The following KCNB2 variants were observed in gnomAD, a reference collection of about 807,000 sequenced individuals.
KCNB2 encodes the protein delayed rectifier potassium channel protein.
A neutral mutation model predicts 61.5 loss-of-function variants in KCNB2; 15 were observed. The ratio of observed to expected loss-of-function variants is 0.24; its 90% CI spans 0.16 to 0.38. KCNB2 has a LOEUF of 0.38. Ranked by LOEUF, KCNB2 falls within the 10% of genes least tolerant of loss-of-function variation. The pLI, the probability that KCNB2 is intolerant of heterozygous loss-of-function variation, is 1.00. For missense variants in KCNB2, 828 were observed against 1,125.2 expected, an observed-to-expected ratio of 0.74 and a Z score of 3.78; for synonymous variants, 457 against 446.0, an observed-to-expected ratio of 1.02 and a Z score of -0.31.
chr8:72,597,001 C>CTTGTTTTT (rs1807205002), intron 2 of KCNB2, among the ~76,000 whole-genome samples: 1 of 64,662 alleles, frequency 1.5e-5, no homozygotes, highest in Non-Finnish European at 2.6e-5. Context: ...TGCTTGCTTG[C>CTTGTTTTT]TTTTTTTTTT....
chr8:72,632,711 G>C (rs756785621), intron 2 of KCNB2, among the ~76,000 whole-genome samples: 7 of 152,112 alleles, frequency 4.6e-5, no homozygotes, highest in African/African-American at 1.4e-4. Context: ...CATTTAATTA[G>C]AAGTCAGAAC....
At chr8:72,917,523 C>G (rs1013249155) in intron 2 of KCNB2, among the ~76,000 whole-genome samples, 1 of 152,074 alleles carries the variant, frequency 6.6e-6, no homozygotes, top group Non-Finnish European at 1.5e-5. Flanking sequence ...AAATCAACTC[C>G]ATTTAAAATA....
At chr8:72,543,947 G>A (rs963483420) in intron 1 of KCNB2, among the ~76,000 whole-genome samples, 2 of 152,188 alleles carry the variant, frequency 1.3e-5, no homozygotes, top group African/African-American at 2.4e-5. Flanking sequence ...TAAGTTTAGC[G>A]GCTGACTAAA....
In KCNB2 at chr8:72,573,759, T is replaced by C. The variant is rs1182469657; in HGVS notation, c.579+5446T>C. ...GTACCATGCAGTGCTCTCCTCTACA[T>C]TGAGGCCCCTCTGTGTACCGTGCAG... On this transcript the variant is annotated intron_variant, in intron 2 of 2. Transcript: ENST00000523207. Among the ~76,000 whole-genome samples the C allele has an allele frequency of 2.7e-5, 4 of 150,722 alleles. No homozygotes were observed. In the East Asian group the frequency reaches 7.9e-4, roughly 30 times the overall value.
At chr8:72,854,107 T>C (rs1444636851) in intron 2 of KCNB2, among the ~76,000 whole-genome samples, 6 of 152,240 alleles carry the variant, frequency 3.9e-5, no homozygotes, top group Non-Finnish European at 8.8e-5. Flanking sequence ...ATTTATGGGA[T>C]ATTATTTACT....
chr8:72,897,425 A>G (rs1806010251), intron 2 of KCNB2, among the ~76,000 whole-genome samples: 1 of 152,132 alleles, frequency 6.6e-6, no homozygotes, highest in South Asian at 2.1e-4. Context: ...TGCCACTAAG[A>G]TATTTGAAAT....
chr8:72,828,111 C>G (rs1809628982), intron 2 of KCNB2, among the ~76,000 whole-genome samples: 1 of 152,126 alleles, frequency 6.6e-6, no homozygotes, highest in East Asian at 1.9e-4. Flanking sequence ...CCACAACTGG[C>G]CTATAAGTTG....
chr8:72,836,322 A>G (rs964948703), intron 2 of KCNB2, among the ~76,000 whole-genome samples: 7 of 152,246 alleles, frequency 4.6e-5, no homozygotes, highest in Non-Finnish European at 8.8e-5. Flanking sequence ...TGAAACAACA[A>G]TTAAAATGAA....
intron 2 of KCNB2, among the ~76,000 whole-genome samples, chr8:72,599,456 G>A (rs190096406): frequency 6.6e-6 from 1 of 152,124 alleles, no homozygotes; most frequent in Non-Finnish European, 1.5e-5. Context: ...ATTCAAGATG[G>A]ATAAAAGACT....
At chr8:72,598,547 A>G (rs1055243258) in intron 2 of KCNB2, among the ~76,000 whole-genome samples, 10 of 152,204 alleles carry the variant, frequency 6.6e-5, no homozygotes, top group African/African-American at 2.2e-4. Context: ...GCACAAGACA[A>G]GAATGCCCTC....
chr8:72,920,257 A>T (rs1482025), intron 2 of KCNB2, among the ~76,000 whole-genome samples: 4 of 150,956 alleles, frequency 2.6e-5, no homozygotes, highest in African/African-American at 7.3e-5. Flanking sequence ...TTAGAAACCA[A>T]TATCAATCAA....
intron 2 of KCNB2, among the ~76,000 whole-genome samples, chr8:72,667,677 A>C (rs1806500243): frequency 6.6e-6 from 1 of 151,972 alleles, no homozygotes; most frequent in Non-Finnish European, 1.5e-5. Flanking sequence ...CCCTCACCCC[A>C]GCCCCATTTA....
At chr8:72,705,884 C>T (rs188239537) in intron 2 of KCNB2, among the ~76,000 whole-genome samples, 1 of 152,292 alleles carries the variant, frequency 6.6e-6, no homozygotes, top group Non-Finnish European at 1.5e-5. Flanking sequence ...TTTGTAAAGA[C>T]CTGAGGTGCT....
intron 2 of KCNB2, among the ~76,000 whole-genome samples, chr8:72,598,565 A>G (rs1807237243): frequency 6.6e-6 from 1 of 151,988 alleles, no homozygotes; most frequent in African/African-American, 2.4e-5. Flanking sequence ...CTCTCTCACC[A>G]CTCCTATTCA....
intron 2 of KCNB2, among the ~76,000 whole-genome samples, chr8:72,774,332 T>C (rs1231821351): frequency 6.6e-6 from 1 of 152,196 alleles, no homozygotes; most frequent in Non-Finnish European, 1.5e-5. Context: ...AAATATTTTG[T>C]CATCTTCTGT....
At chr8:72,755,250 A>ACTG (rs1808269414) in intron 2 of KCNB2, among the ~76,000 whole-genome samples, 1 of 152,184 alleles carries the variant, frequency 6.6e-6, no homozygotes, top group African/African-American at 2.4e-5. Context: ...GACTAAAGGT[A>ACTG]CTGTGGTATC....
chr8:72,815,488 C>T (rs73297715), intron 2 of KCNB2, among the ~76,000 whole-genome samples: 16,090 of 152,126 alleles, frequency 0.11, 1,131 homozygotes, highest in East Asian at 0.4. Flanking sequence ...ACTATGCACT[C>T]AGGAAAGTCA....
At chr8:72,919,247 TG>T (rs1049507137) in intron 2 of KCNB2, among the ~76,000 whole-genome samples, 3 of 152,234 alleles carry the variant, frequency 2.0e-5, no homozygotes, top group Non-Finnish European at 2.9e-5. Context: ...CAGCTCCACC[TG>T]GTTCGTGGCC....
chr8:72,701,128 T>G (rs997150332), intron 2 of KCNB2, among the ~76,000 whole-genome samples: 1 of 152,140 alleles, frequency 6.6e-6, no homozygotes, highest in Admixed American at 6.6e-5. Flanking sequence ...GGTGCTATGC[T>G]CATTACCTGG....
Sources: allele counts gnomAD v4.1 joint callset (sites outside exome capture counted in the v4.1 genomes callset), GRCh38; gene constraint gnomAD v4.1.1; transcripts MANE v1.5; gene names NCBI Gene and HGNC (gene_info 2026-07-23, HGNC 2026-07-21).